The following SPIN1 variants were observed in gnomAD, a reference collection of about 807,000 sequenced individuals.
SPIN1 encodes spindlin-1.
In SPIN1, 3 loss-of-function variants were observed where a neutral mutation model predicts 26.0. That is an observed-to-expected ratio of 0.12 (90% CI 0.05 to 0.30). The LOEUF is 0.30. SPIN1 is among the 10% of genes least tolerant of loss of function. The pLI, the probability that SPIN1 is intolerant of heterozygous loss-of-function variation, is 1.00. For synonymous variants in SPIN1, 101 were observed against 116.5 expected (o/e 0.87, Z 0.86); for missense variants, 126 against 333.4 (o/e 0.38, Z 4.84).
chr9:88,412,599 A>G (rs75144191), intron 1 of SPIN1, among the ~76,000 whole-genome samples: 98 of 152,306 alleles, frequency 6.4e-4, no homozygotes, highest in African/African-American at 2.3e-3. Flanking sequence ...AATGAAATAC[A>G]TAGGATCACA....
At chr9:88,408,971 TTG>T (rs1201073155) in intron 1 of SPIN1, among the ~76,000 whole-genome samples, 13 of 122,484 alleles carry the variant, frequency 1.1e-4, no homozygotes, top group Non-Finnish European at 2.0e-4. Flanking sequence ...CCTTTTGTGT[TTG>T]TGTGTGTTTG....
chr9:88,400,995 A>C (rs1827174434), intron 1 of SPIN1, among the ~76,000 whole-genome samples: 1 of 151,876 alleles, frequency 6.6e-6, no homozygotes, highest in African/African-American at 2.4e-5. Flanking sequence ...CCTGGGCAAC[A>C]GAGTGAGATT....
At chr9:88,442,183 AT>A (rs1271822024) in intron 2 of SPIN1, among the ~76,000 whole-genome samples, 2 of 151,744 alleles carry the variant, frequency 1.3e-5, no homozygotes, top group African/African-American at 2.4e-5. Flanking sequence ...TTGGTGACAA[AT>A]TTCATCACTT....
At chr9:88,401,278 A>G (rs899874362) in intron 1 of SPIN1, among the ~76,000 whole-genome samples, 2 of 152,216 alleles carry the variant, frequency 1.3e-5, no homozygotes, top group Non-Finnish European at 2.9e-5. Flanking sequence ...CAACTGTCCA[A>G]TAATGGAGTT....
intron 4 of SPIN1, among the ~76,000 whole-genome samples, chr9:88,464,445 G>A (rs1329200519): frequency 1.3e-5 from 2 of 152,216 alleles, no homozygotes; most frequent in Admixed American, 1.3e-4. Flanking sequence ...AGAGAAAAAA[G>A]TCAGTCAGCC....
At chr9:88,436,624 A>C (rs1023216657) in intron 2 of SPIN1, among the ~76,000 whole-genome samples, 2 of 151,994 alleles carry the variant, frequency 1.3e-5, no homozygotes, top group Non-Finnish European at 1.5e-5. Context: ...GCAAGTGCTG[A>C]TTTTTTATTG....
chr9:88,439,786 T>G (rs1156319574), intron 2 of SPIN1, among the ~76,000 whole-genome samples: 1 of 152,222 alleles, frequency 6.6e-6, no homozygotes, highest in Non-Finnish European at 1.5e-5. Flanking sequence ...TTTCTAAAAT[T>G]CATATAGCTT....
chr9:88,411,354 A>G, intron 1 of SPIN1: 3 of 1,540,948 alleles, frequency 1.9e-6, no homozygotes, highest in African/African-American at 1.4e-5. Flanking sequence ...AGTGTCCCCC[A>G]TTGCTCAAAA....
chr9:88,475,579 TC>T lies in SPIN1; in HGVS notation c.*307del. 4.2e-6 allele frequency: 1 copy of T among 239,700 alleles called. No homozygotes were observed. Among genetic ancestry groups the T allele is most frequent in the African/African-American group, 2.2e-5 (1 of 44,528 alleles). The allele number at this position is 239,700 out of a possible 1,614,324, so 14.8% of individuals were successfully genotyped here. ...AAATTGTAATAGATCTTAACCATTTTCCCCCTCACCCTAACTCTCTTATTCT... is the reference window on the plus strand; with the variant it reads ...AAATTGTAATAGATCTTAACCATTTTCCCCTCACCCTAACTCTCTTATTCT... On this transcript the variant is annotated 3_prime_UTR_variant, in exon 6 of 6. Transcript: ENST00000375859.
intron 1 of SPIN1, among the ~76,000 whole-genome samples, chr9:88,404,439 G>C (rs1391941417): frequency 6.6e-6 from 1 of 152,108 alleles, no homozygotes; most frequent in Non-Finnish European, 1.5e-5. Context: ...ATTAGAAACC[G>C]TGTAGCTTTT....
intron 1 of SPIN1, among the ~76,000 whole-genome samples, chr9:88,405,573 C>T (rs1318073267): frequency 2.7e-5 from 3 of 111,292 alleles, no homozygotes; most frequent in South Asian, 3.2e-4. Flanking sequence ...GACAGAGTTT[C>T]GCTCTCGTTA....
intron 1 of SPIN1, among the ~76,000 whole-genome samples, chr9:88,407,625 A>G (rs192052541): frequency 2.4e-4 from 37 of 151,844 alleles, no homozygotes; most frequent in African/African-American, 8.2e-4. Context: ...AGCCTGGGCA[A>G]CATAGTGAGA....
chr9:88,472,344 C>G (rs1828804674), intron 5 of SPIN1, among the ~76,000 whole-genome samples: 1 of 152,124 alleles, frequency 6.6e-6, no homozygotes, highest in Non-Finnish European at 1.5e-5. Flanking sequence ...CAGCGATTCT[C>G]CTGCCTCAGC....
chr9:88,406,005 C>CTGTGTG (rs745317937), intron 1 of SPIN1, among the ~76,000 whole-genome samples: 2,171 of 103,330 alleles, frequency 0.021, 25 homozygotes, highest in Non-Finnish European at 0.023. Flanking sequence ...GCTTGTGTGT[C>CTGTGTG]TGTGTGTGTG....
In SPIN1 at chr9:88,476,027, A is replaced by G. The variant is rs536199500; in HGVS notation, c.*750A>G. 35 of 152,246 alleles carry G rather than the reference A, an allele frequency of 2.3e-4. No homozygotes were observed. Among genetic ancestry groups the G allele is most frequent in the Middle Eastern group, 3.4e-3 (1 of 294 alleles). The allele number at this position is 152,246 out of a possible 1,614,324, so 9.4% of individuals were successfully genotyped here. ...TAATGACCCATATTAGAATTTTACAATCTGGTGAACAATCTGGGTAAAAGG... is the reference window on the plus strand; with the variant it reads ...TAATGACCCATATTAGAATTTTACAGTCTGGTGAACAATCTGGGTAAAAGG... On this transcript the variant is annotated 3_prime_UTR_variant, in exon 6 of 6. Transcript: ENST00000375859.
At chr9:88,447,730 T>C (rs1828278885) in intron 2 of SPIN1, among the ~76,000 whole-genome samples, 3 of 152,202 alleles carry the variant, frequency 2.0e-5, no homozygotes, top group Admixed American at 2.0e-4. Flanking sequence ...CATGTACATG[T>C]AGTCCACAAA....
rs920083024 is a variant in SPIN1 at position 88,470,451 on chromosome 9, T to C, written c.589+1846T>C. ...TTCCAACAGCAGTGTATGAGACTTCTGATTTCTCCACATTCTCACCAACTG... is the reference window on the plus strand; with the variant it reads ...TTCCAACAGCAGTGTATGAGACTTCCGATTTCTCCACATTCTCACCAACTG... On this transcript the variant is annotated intron_variant, in intron 5 of 5. Coordinates refer to ENST00000375859, the MANE Select transcript of SPIN1 (RefSeq NM_006717.3). 2.6e-5 allele frequency among the ~76,000 whole-genome samples: 4 copies of C among 152,378 alleles called. No homozygotes were observed. In the South Asian group the frequency reaches 6.2e-4, roughly 24 times the overall value.
intron 2 of SPIN1, among the ~76,000 whole-genome samples, chr9:88,434,222 G>C (rs1248843022): frequency 6.6e-6 from 1 of 151,984 alleles, no homozygotes; most frequent in Non-Finnish European, 1.5e-5. Flanking sequence ...GCCTCTGTGA[G>C]ACAGTTTTGG....
At chr9:88,431,748 T>A (rs1194900998) in intron 2 of SPIN1, among the ~76,000 whole-genome samples, 1 of 152,214 alleles carries the variant, frequency 6.6e-6, no homozygotes, top group Non-Finnish European at 1.5e-5. Flanking sequence ...AGGCTTTCAA[T>A]CTTCAGATTA....
Sources: gnomAD v4.1 joint callset for allele counts (sites outside exome capture counted in the v4.1 genomes callset) on GRCh38, gnomAD v4.1.1 for gene constraint, MANE v1.5 for transcripts, NCBI Gene and HGNC (gene_info 2026-07-23, HGNC 2026-07-21) for gene names.